Variants in EPHB4 observed in about 807,000 individuals in gnomAD.
EPHB4 encodes the protein ephrin type-B receptor 4.
In EPHB4, 50 loss-of-function variants were observed where a neutral mutation model predicts 110.6. The ratio of observed to expected loss-of-function variants is 0.45; its 90% confidence interval spans 0.36 to 0.57. The LOEUF (loss-of-function observed/expected upper bound fraction) is 0.57, where lower values mean the gene tolerates loss of function less well. EPHB4 is among the 20% of genes least tolerant of loss of function. The pLI is 0.00. For synonymous variants in EPHB4, 592 were observed against 578.4 expected (o/e 1.02, Z -0.34); for missense variants, 1,128 against 1,382.1 (o/e 0.82, Z 2.91).
chr7:100,814,377 C>G (rs985289259), intron 8 of EPHB4, among the ~76,000 whole-genome samples: 10 of 152,152 alleles, frequency 6.6e-5, no homozygotes, highest in African/African-American at 2.2e-4. Flanking sequence ...CTCCCGGGTT[C>G]TGCGATTCTC....
At chr7:100,824,406 C>G in intron 1 of EPHB4, 133 bp from the exon 2 acceptor site, 2 of 901,624 alleles carry the variant, frequency 2.2e-6, no homozygotes, top group Non-Finnish European at 3.5e-6. Context: ...AAGAGGGGAG[C>G]AAGCCCTGCC....
chr7:100,806,722 A>G (rs1177120259), intron 13 of EPHB4, among the ~76,000 whole-genome samples, 153 bp from the exon 14 acceptor site: 1 of 151,730 alleles, frequency 6.6e-6, no homozygotes, highest in Admixed American at 6.6e-5. Flanking sequence ...CCCAGGTTGG[A>G]GTGCAGTGGT....
Position 100,822,236 on chromosome 7 carries a change from T to A in EPHB4, c.808+35A>T. ...GTGGAGTTCAGGACTCTCCCCCGGATGAGCAGCAGTCGCAGGGGAAGCTCC... is the reference window on the plus strand; with the variant it reads ...GTGGAGTTCAGGACTCTCCCCCGGAAGAGCAGCAGTCGCAGGGGAAGCTCC... On this transcript the variant is annotated intron_variant, in intron 4 of 16. Coordinates refer to ENST00000358173, the MANE Select transcript of EPHB4 (RefSeq NM_004444.5). The surrounding 1 kb of genome is among the most constrained non-coding windows in gnomAD (Gnocchi z 4.7). The A allele has an allele frequency of 6.5e-7, 1 of 1,540,008 alleles. No individual in the cohort carries two copies. Among genetic ancestry groups the A allele is most frequent in the East Asian group, 2.4e-5 (1 of 40,952 alleles).
Position 100,803,173 on chromosome 7 carries a change from C to G in EPHB4, c.*288G>C, listed in dbSNP as rs1812734453. The stretch of plus-strand genomic sequence containing the variant: ...GCACCCATCAAGGTGAGGGGGGCAC[C>G]TGGGGAGGCTGGGAGATGTTGGGCA... On this transcript the variant is annotated 3_prime_UTR_variant, in exon 17 of 17. Coordinates refer to ENST00000358173, the MANE Select transcript of EPHB4 (RefSeq NM_004444.5). 1 of 253,342 alleles carries G rather than the reference C, an allele frequency of 3.9e-6. No individual in the cohort carries two copies. Among genetic ancestry groups the G allele is most frequent in the African/African-American group, 2.2e-5 (1 of 45,210 alleles). 15.7% of individuals were successfully genotyped at this position (253,342 alleles called of 1,614,324 possible).
chr7:100,810,056 C>A (rs560520271), intron 12 of EPHB4, among the ~76,000 whole-genome samples: 1 of 152,180 alleles, frequency 6.6e-6, no homozygotes, highest in Admixed American at 6.5e-5. Flanking sequence ...TCGAGACCAT[C>A]CTGGCCAATA....
rs1482091587 is a variant in EPHB4, at chr7:100,813,220, G to C, written c.1757-12C>G. On this transcript the variant is annotated splice_polypyrimidine_tract_variant and intron_variant, in intron 10 of 16. Transcript: ENST00000358173. ...GTAGACCTTAGTACCTGAGAAATCA[G>C]GCAGGGCCCCGTCAGCTGGGAATTA... is the stretch of plus-strand genomic sequence containing the variant. The C allele has an allele frequency of 6.3e-7, 1 of 1,597,760 alleles. No individual in the cohort carries two copies. Among genetic ancestry groups the C allele is most frequent in the Admixed American group, 1.7e-5 (1 of 59,890 alleles).
intron 12 of EPHB4, among the ~76,000 whole-genome samples, chr7:100,808,889 T>C (rs185500192): frequency 2.0e-5 from 3 of 152,294 alleles, no homozygotes; most frequent in African/African-American, 7.2e-5. Flanking sequence ...ACTTGCCAGA[T>C]GGTCAGGGTA....
rs1300439941 is a variant in EPHB4 at position 100,827,085 on chromosome 7, C to G, written c.-55G>C. On this transcript the variant is annotated 5_prime_UTR_variant, in exon 1 of 17. Transcript: ENST00000358173. Reference sequence around the variant, plus strand: ...CTGAGTTTGGGGGGCCCTCGCCCCCCCAGGTCTGACTCTCCCTGGGCGGGT... The same window carrying G: ...CTGAGTTTGGGGGGCCCTCGCCCCCGCAGGTCTGACTCTCCCTGGGCGGGT... 8.4e-6 allele frequency: 13 copies of G among 1,540,514 alleles called. No individual in the cohort carries two copies. Among genetic ancestry groups the G allele is most frequent in the Middle Eastern group, 1.7e-4 (1 of 5,756 alleles).
At chr7:100,810,630 C>G (rs1223292100) in intron 12 of EPHB4, among the ~76,000 whole-genome samples, 1 of 152,038 alleles carries the variant, frequency 6.6e-6, no homozygotes, top group Admixed American at 6.6e-5. Flanking sequence ...GTAGTTCCAG[C>G]TACCCAGGAG....
chr7:100,819,454 C>A, intron 6 of EPHB4, 103 bp downstream of exon 6: 1 of 1,354,488 alleles, frequency 7.4e-7, no homozygotes, highest in Non-Finnish European at 1.0e-6. Flanking sequence ...TAGCCCCTCA[C>A]ACTTCCGGGG....
chr7:100,803,779 C>T (rs778389208), intron 16 of EPHB4, among the ~76,000 whole-genome samples, 189 bp from the exon 17 acceptor site: 5 of 152,028 alleles, frequency 3.3e-5, no homozygotes, highest in South Asian at 2.1e-4. Context: ...TCTGTGCAAC[C>T]GCAGAAGGGG....
intron 1 of EPHB4, among the ~76,000 whole-genome samples, chr7:100,826,276 G>A (rs1477664632): frequency 2.6e-5 from 4 of 151,666 alleles, no homozygotes; most frequent in African/African-American, 9.7e-5. Context: ...GTGTAGGTCA[G>A]TTTCTACCTG....
intron 10 of EPHB4, 166 bp from the exon 11 acceptor site, chr7:100,813,374 G>T: frequency 1.6e-6 from 1 of 640,434 alleles, no homozygotes; most frequent in Non-Finnish European, 2.6e-6. Flanking sequence ...GGAGCGCAGT[G>T]GCGCGATCTT....
At chr7:100,824,294 G>C (rs746626641) in intron 1 of EPHB4, 21 bp from the exon 2 acceptor site, 9 of 1,613,672 alleles carry the variant, frequency 5.6e-6, no homozygotes, top group African/African-American at 2.7e-5. Flanking sequence ...CAGAGAGACA[G>C]AGTCAGTGCC....
In EPHB4 at chr7:100,822,730, G is replaced by T; in HGVS notation, c.412-63C>A. On this transcript the variant is annotated intron_variant, in intron 3 of 16. Coordinates refer to ENST00000358173, the MANE Select transcript of EPHB4 (RefSeq NM_004444.5). The surrounding 1 kb of genome is among the most constrained non-coding windows in gnomAD (Gnocchi z 4.7). Reference sequence around the variant, plus strand: ...CTCCCTGAGGACCCAGCGGACTGTTGTGTTCTTCCCAGCTCACCCTCCCGG... The same window carrying T: ...CTCCCTGAGGACCCAGCGGACTGTTTTGTTCTTCCCAGCTCACCCTCCCGG... The T allele has an allele frequency of 6.9e-7, 1 of 1,451,808 alleles. No homozygotes were observed. Among genetic ancestry groups the T allele is most frequent in the Non-Finnish European group, 9.1e-7 (1 of 1,101,394 alleles). The allele number at this position is 1,451,808 out of a possible 1,614,324, so 89.9% of individuals were successfully genotyped here.
rs1201013420 is a variant in EPHB4 at position 100,827,325 on chromosome 7, C to G, written c.-295G>C. ...GTCCCTCCGGGGCCTCGGGGTCCCG[C>G]CCCGGGTGGCGGGGGCTGAGCCGGC... On this transcript the variant is annotated 5_prime_UTR_variant, in exon 1 of 17. Coordinates refer to ENST00000358173, the MANE Select transcript of EPHB4 (RefSeq NM_004444.5). 1 of 151,888 alleles carries G rather than the reference C, an allele frequency of 6.6e-6. No homozygotes were observed. Among genetic ancestry groups the G allele is most frequent in the African/African-American group, 2.4e-5 (1 of 41,226 alleles). The allele number at this position is 151,888 out of a possible 1,614,324, so 9.4% of individuals were successfully genotyped here. A position where few individuals can be genotyped will look rare whatever the true frequency, so the allele number is the denominator to read the frequency against.
In EPHB4 at chr7:100,803,477, G is replaced by A. The variant is rs768926072; in HGVS notation, c.2948C>T (p.Pro983Leu). The A allele has an allele frequency of 1.7e-5, 26 of 1,575,464 alleles. 1 individual carries two copies. Among genetic ancestry groups the A allele is most frequent in the Middle Eastern group, 3.3e-4 (2 of 6,010 alleles). The change falls in exon 17 of 17, where the codon CCG (proline) becomes CTG (leucine). Residue 983 changes from proline to leucine, a missense_variant. Around this residue, in one of 3 missense-constraint regions of EPHB4, gnomAD observed 209 missense variants for 240.5 expected, o/e 0.87. Coordinates refer to ENST00000358173, the MANE Select transcript of EPHB4 (RefSeq NM_004444.5). ...KPGTPGGTGGPAPQY is the reference protein window; with the variant it reads ...KPGTPGGTGGLAPQY ...TCCTGCAGGTCAGTACTGCGGGGCC[G>A]GTCCTCCTGTCCCACCCGGGGTTCC...
In EPHB4 at chr7:100,823,854, C is replaced by T. The variant is rs138656609; in HGVS notation, c.201G>A (p.Pro67=). 355 of 1,612,570 alleles carry T rather than the reference C, an allele frequency of 2.2e-4. No individual in the cohort carries two copies. Among genetic ancestry groups the T allele is most frequent in the Non-Finnish European group, 2.7e-4 (323 of 1,179,696 alleles). ...CTGTGCGAAGCCAGTGGGCCTGGCC[C>T]GGGGCACGCTGCACGTCACACACTT... is the stretch of plus-strand genomic sequence containing the variant. ...TYEVCDVQRA[P]GQAHWLRTGW... The change falls in exon 3 of 17, where the codon CCG becomes CCA. Residue 67 remains proline, a synonymous_variant. Coordinates refer to ENST00000358173, the MANE Select transcript of EPHB4 (RefSeq NM_004444.5).
At chr7:100,805,806 A>G in intron 14 of EPHB4, 112 bp from the exon 15 acceptor site, 1 of 1,060,188 alleles carries the variant, frequency 9.4e-7, no homozygotes, top group Non-Finnish European at 1.3e-6. Flanking sequence ...ACAGCCCCCC[A>G]AAAAATAACA....
Sources: allele counts gnomAD v4.1 joint callset (sites outside exome capture counted in the v4.1 genomes callset), GRCh38; gene constraint gnomAD v4.1.1; regional missense constraint gnomAD v4.1.1; non-coding constraint Gnocchi (gnomAD v3.1); transcripts MANE v1.5; gene names NCBI Gene and HGNC (gene_info 2026-07-23, HGNC 2026-07-21).